Variants in FDX1 observed in about 807,000 individuals in gnomAD.
FDX1 encodes adrenodoxin, mitochondrial.
Under a neutral mutation model 14.9 loss-of-function variants are expected in FDX1, and 9 were observed. The observed-to-expected ratio is 0.60, with a 90% confidence interval of 0.36 to 1.05. The LOEUF (loss-of-function observed/expected upper bound fraction) is 1.05. Among genes scored for constraint, FDX1 ranks in the 50% least tolerant of loss-of-function variants. The pLI is 0.01. For synonymous variants in FDX1, 92 were observed against 99.4 expected, an observed-to-expected ratio of 0.93 and a Z score of 0.44; for missense variants, 204 against 237.2, an observed-to-expected ratio of 0.86 and a Z score of 0.92.
chr11:110,457,714 T>A (rs1023874356), intron 3 of FDX1, among the ~76,000 whole-genome samples: 23 of 151,206 alleles, frequency 1.5e-4, no homozygotes, highest in Non-Finnish European at 1.0e-4. Context: ...TCTAGTTTGG[T>A]GACCTTAATG....
upstream of FDX1, chr11:110,429,820 C>G (rs373161700): frequency 9.6e-5 from 25 of 259,806 alleles, no homozygotes; most frequent in East Asian, 1.3e-3. Flanking sequence ...CAGCTTACAA[C>G]GGAACCTGGA....
intron 3 of FDX1, among the ~76,000 whole-genome samples, chr11:110,461,851 G>C (rs1396054292): frequency 1.3e-5 from 2 of 152,054 alleles, no homozygotes. Context: ...TTCCAGAGAT[G>C]GTAAAAATTT....
At chr11:110,443,264 G>C (rs1946416643) in intron 2 of FDX1, among the ~76,000 whole-genome samples, 1 of 150,342 alleles carries the variant, frequency 6.7e-6, no homozygotes, top group South Asian at 2.1e-4. Flanking sequence ...CTTTACCCCT[G>C]CCCTGCCCCG....
chr11:110,436,130 C>A (rs568418824), intron 2 of FDX1, among the ~76,000 whole-genome samples, 172 bp downstream of exon 2: 1 of 151,976 alleles, frequency 6.6e-6, no homozygotes, highest in South Asian at 2.1e-4. Flanking sequence ...AGAGTGACAC[C>A]ATTGTTCTGT....
At chr11:110,436,005 T>A in intron 2 of FDX1, 47 bp downstream of exon 2, 1 of 1,545,604 alleles carries the variant, frequency 6.5e-7, no homozygotes, top group Non-Finnish European at 8.7e-7. Context: ...ACTGTTAGGT[T>A]TCAAATTTTT....
At chr11:110,447,655 CTT>C (rs145043532) in intron 2 of FDX1, among the ~76,000 whole-genome samples, 1,718 of 152,216 alleles carry the variant, frequency 0.011, 33 homozygotes, top group African/African-American at 0.039. Flanking sequence ...ACCTTTGAGA[CTT>C]TGTATATACT....
chr11:110,437,077 C>CTT, intron 2 of FDX1, among the ~76,000 whole-genome samples: 1 of 152,180 alleles, frequency 6.6e-6, no homozygotes, highest in Non-Finnish European at 1.5e-5. Flanking sequence ...TTCACTGCAG[C>CTT]CTCGACCTCC....
rs377742324 is a variant in FDX1 at position 110,462,381 on chromosome 11, G to A, written c.468G>A (p.Leu156=). 1.2e-6 allele frequency: 2 copies of A among 1,611,088 alleles called. No individual in the cohort carries two copies. Among genetic ancestry groups the A allele is most frequent in the African/African-American group, 2.7e-5 (2 of 74,864 alleles). ...DRSRLGCQIC[L]TKSMDNMTVR... ...CACGGTTGGGCTGCCAAATCTGTTT[G>A]ACAAAATCTATGGACAATATGACTG... Residue 156 remains leucine, a synonymous_variant, in exon 4 of 4, where the codon TTG becomes TTA. Coordinates refer to ENST00000260270, the MANE Select transcript of FDX1 (RefSeq NM_004109.5).
chr11:110,431,121 GC>G (rs1238810091), intron 1 of FDX1, among the ~76,000 whole-genome samples: 2 of 152,126 alleles, frequency 1.3e-5, no homozygotes, highest in African/African-American at 4.8e-5. Flanking sequence ...AGCAGCAGCA[GC>G]AGCAGCAGCA....
Position 110,463,174 on chromosome 11 carries a change from C to T in FDX1, c.*706C>T, listed in dbSNP as rs865847688. On this transcript the variant is annotated 3_prime_UTR_variant, in exon 4 of 4. Coordinates refer to ENST00000260270, the MANE Select transcript of FDX1 (RefSeq NM_004109.5). ...AATGATTGGATGTGTTTATTCTTTTCTAAGCAGAATGGTTTAACTTTGTAC... is the reference window on the plus strand; with the variant it reads ...AATGATTGGATGTGTTTATTCTTTTTTAAGCAGAATGGTTTAACTTTGTAC... The T allele has an allele frequency of 6.6e-6, 1 of 152,208 alleles. No individual in the cohort carries two copies. 9.4% of individuals were successfully genotyped at this position (152,208 alleles called of 1,614,324 possible). A position where few individuals can be genotyped will look rare whatever the true frequency, so the allele number is the denominator to read the frequency against.
intron 1 of FDX1, among the ~76,000 whole-genome samples, chr11:110,433,279 A>G (rs961317607): frequency 2.6e-5 from 4 of 152,204 alleles, no homozygotes; most frequent in Non-Finnish European, 5.9e-5. Flanking sequence ...CCATATTGCC[A>G]TCTGGTGTTT....
intron 2 of FDX1, among the ~76,000 whole-genome samples, chr11:110,453,844 T>C (rs1946503106): frequency 6.6e-6 from 1 of 152,240 alleles, no homozygotes. Context: ...TGATAGTTGT[T>C]CTAACACAGT....
In FDX1 at chr11:110,450,443, C is replaced by T. The variant is rs527565057; in HGVS notation, c.311-6475C>T. Among the ~76,000 whole-genome samples, 3 of 152,226 alleles carry T rather than the reference C, an allele frequency of 2.0e-5. No individual in the cohort carries two copies. The South Asian group carries it at 6.2e-4, about 32-fold the overall frequency. The stretch of plus-strand genomic sequence containing the variant: ...TGATCTGACAGAGGTGGAGCTCAGA[C>T]GGTAATGTGAGCAATGGGGAGCAGT... On this transcript the variant is annotated intron_variant, in intron 2 of 3. Coordinates refer to ENST00000260270, the MANE Select transcript of FDX1 (RefSeq NM_004109.5).
intron 2 of FDX1, among the ~76,000 whole-genome samples, chr11:110,442,489 G>A (rs924468005): frequency 1.3e-5 from 2 of 152,226 alleles, no homozygotes; most frequent in Non-Finnish European, 2.9e-5. Context: ...TGTAGTCAAA[G>A]GAGATCATTT....
intron 2 of FDX1, among the ~76,000 whole-genome samples, chr11:110,447,352 G>A (rs1287537308): frequency 1.3e-5 from 2 of 150,748 alleles, no homozygotes; most frequent in African/African-American, 4.9e-5. Context: ...TACTTGGGAG[G>A]CTGAGGCAGG....
intron 1 of FDX1, 112 bp downstream of exon 1, chr11:110,430,417 C>A: frequency 1.4e-6 from 1 of 702,854 alleles, no homozygotes. Context: ...GCCGGGCCCA[C>A]ACCCCGGAGG....
At chr11:110,443,968 T>C (rs1032069750) in intron 2 of FDX1, among the ~76,000 whole-genome samples, 1 of 152,128 alleles carries the variant, frequency 6.6e-6, no homozygotes, top group African/African-American at 2.4e-5. Context: ...ATTAGACCTT[T>C]GTTAGATGCA....
chr11:110,455,221 G>T (rs747002337), intron 2 of FDX1, among the ~76,000 whole-genome samples: 7 of 152,008 alleles, frequency 4.6e-5, no homozygotes, highest in Non-Finnish European at 8.8e-5. Context: ...TAGCCAGGCT[G>T]GTCTCGAACC....
At chr11:110,453,003 C>T (rs921341748) in intron 2 of FDX1, among the ~76,000 whole-genome samples, 1 of 152,206 alleles carries the variant, frequency 6.6e-6, no homozygotes, top group African/African-American at 2.4e-5. Flanking sequence ...TCTGTACCCT[C>T]AGTGTGGTGG....
Sources: allele counts gnomAD v4.1 joint callset (sites outside exome capture counted in the v4.1 genomes callset), GRCh38; gene constraint gnomAD v4.1.1; transcripts MANE v1.5; gene names NCBI Gene and HGNC (gene_info 2026-07-23, HGNC 2026-07-21).